The following SDCCAG8 variants were observed in gnomAD, a reference collection of about 807,000 sequenced individuals.
SDCCAG8 encodes SHH signaling and ciliogenesis regulator SDCCAG8, also known as serologically defined colon cancer antigen 8.
In SDCCAG8, 74 loss-of-function variants were observed where a neutral mutation model predicts 101.8. That is an observed-to-expected ratio of 0.73 (90% confidence interval 0.60 to 0.88). The LOEUF (loss-of-function observed/expected upper bound fraction) is 0.88, where lower values mean the gene tolerates loss of function less well. Ranked by LOEUF, SDCCAG8 falls within the 40% of genes least tolerant of loss-of-function variation. SDCCAG8 has a pLI of 0.00. For synonymous variants in SDCCAG8, 281 were observed against 292.9 expected (o/e 0.96, Z 0.41); for missense variants, 787 against 822.6 (o/e 0.96, Z 0.53).
At chr1:243,494,078 C>G (rs1667223530) in intron 17 of SDCCAG8, among the ~76,000 whole-genome samples, 1 of 152,162 alleles carries the variant, frequency 6.6e-6, no homozygotes. Context: ...ACAAAGTTAG[C>G]TACCTGTAAG....
rs184118693 is a variant in SDCCAG8, at chr1:243,275,709, C to T, written c.420+1053C>T. 2.0e-5 allele frequency among the ~76,000 whole-genome samples: 3 copies of T among 151,952 alleles called. No homozygotes were observed. In the East Asian group the frequency reaches 5.8e-4, roughly 29 times the overall value. On this transcript the variant is annotated intron_variant, in intron 4 of 17. Transcript: ENST00000366541. ...TCTAGTTGAGAAGACAGAACTATTC[C>T]CTATTAACACCATAAGGAGCACATT... is the stretch of plus-strand genomic sequence containing the variant.
At chr1:243,338,646 A>G (rs911270207) in intron 10 of SDCCAG8, 11 of 152,042 alleles carry the variant, frequency 7.2e-5, no homozygotes, top group African/African-American at 1.9e-4. Flanking sequence ...CGTTTTCTCA[A>G]TTGCTTTCCT....
intron 13 of SDCCAG8, among the ~76,000 whole-genome samples, chr1:243,383,486 A>G (rs954304272): frequency 1.3e-5 from 2 of 152,330 alleles, no homozygotes; most frequent in East Asian, 3.9e-4. Flanking sequence ...ATATCTGGAC[A>G]TTAGGCATTT....
intron 13 of SDCCAG8, among the ~76,000 whole-genome samples, chr1:243,406,648 C>T (rs1224421273): frequency 2.0e-5 from 3 of 152,106 alleles, no homozygotes; most frequent in African/African-American, 4.8e-5. Context: ...TCCCTCAGGA[C>T]GAGGGCCTTA....
chr1:243,431,660 T>C (rs1380984500), intron 16 of SDCCAG8, among the ~76,000 whole-genome samples: 6 of 152,276 alleles, frequency 3.9e-5, no homozygotes, highest in Middle Eastern at 3.4e-3. Context: ...CCATTTTTTT[T>C]TTCTGTTTTT....
chr1:243,462,648 AT>A (rs34808975), intron 16 of SDCCAG8, among the ~76,000 whole-genome samples: 1 of 151,920 alleles, frequency 6.6e-6, no homozygotes, highest in African/African-American at 2.4e-5. Flanking sequence ...TTTACATTGT[AT>A]TTTTTTCACA....
intron 3 of SDCCAG8, among the ~76,000 whole-genome samples, chr1:243,273,403 A>G (rs1307335511): frequency 3.3e-5 from 5 of 152,316 alleles, no homozygotes; most frequent in South Asian, 2.1e-4. Context: ...TGATTTTACA[A>G]ACTATTTTAG....
intron 4 of SDCCAG8, among the ~76,000 whole-genome samples, chr1:243,283,850 C>G (rs894184200): frequency 6.6e-6 from 1 of 152,178 alleles, no homozygotes; most frequent in South Asian, 2.1e-4. Context: ...AAGTGATTCT[C>G]CTGCCTCAGC....
At chr1:243,449,692 C>G (rs1359328770) in intron 16 of SDCCAG8, among the ~76,000 whole-genome samples, 1 of 152,190 alleles carries the variant, frequency 6.6e-6, no homozygotes, top group Non-Finnish European at 1.5e-5. Context: ...GTTAGTGTTG[C>G]ATTTCGTAGT....
chr1:243,340,909 C>T lies in SDCCAG8; in HGVS notation c.1222-130C>T, dbSNP rs572822630. ...TGAATAGAGGAAGGAGAAAAATGAA[C>T]ATACCCAATCCACAGAGAAATGGCT... is the stretch of plus-strand genomic sequence containing the variant. On this transcript the variant is annotated intron_variant, in intron 10 of 17. Coordinates refer to ENST00000366541, the MANE Select transcript of SDCCAG8 (RefSeq NM_006642.5). 1.6e-4 allele frequency: 145 copies of T among 904,132 alleles called. No homozygotes were observed. The African/African-American group carries it at 2.1e-3, about 13-fold the overall frequency. 56.0% of individuals were successfully genotyped at this position (904,132 alleles called of 1,614,324 possible).
chr1:243,348,136 T>C lies in SDCCAG8; in HGVS notation c.1473+3805T>C, dbSNP rs1028217468. ...CTGCAAGCTCCGCCTCCCGGGTTCA[T>C]GCCATTCTCCCGCCTCAGCCTCCCG... On this transcript the variant is annotated intron_variant, in intron 12 of 17. Coordinates refer to ENST00000366541, the MANE Select transcript of SDCCAG8 (RefSeq NM_006642.5). Among the ~76,000 whole-genome samples the C allele has an allele frequency of 1.4e-3, 215 of 149,042 alleles. 1 individual carries two copies. The highest frequency in any genetic ancestry group is 2.4e-3 in the Non-Finnish European group (164 of 67,364).
At chr1:243,482,481 C>T (rs1298028836) in intron 16 of SDCCAG8, among the ~76,000 whole-genome samples, 2 of 152,254 alleles carry the variant, frequency 1.3e-5, no homozygotes, top group Non-Finnish European at 1.5e-5. Context: ...GGAGCCCGTG[C>T]TGCCCATTCT....
At chr1:243,495,667 C>T (rs565304208) in intron 17 of SDCCAG8, among the ~76,000 whole-genome samples, 49 of 152,280 alleles carry the variant, frequency 3.2e-4, no homozygotes, top group Non-Finnish European at 5.3e-4. Context: ...GACTGCCCCT[C>T]GGCTCTGTAG....
chr1:243,308,322 A>G, intron 8 of SDCCAG8, 145 bp downstream of exon 8: 1 of 958,498 alleles, frequency 1.0e-6, no homozygotes, highest in Non-Finnish European at 1.6e-6. Flanking sequence ...AGGTTCCTTC[A>G]TTATAGCTTC....
chr1:243,361,407 C>G (rs975821510), intron 12 of SDCCAG8, among the ~76,000 whole-genome samples: 1 of 152,222 alleles, frequency 6.6e-6, no homozygotes, highest in Non-Finnish European at 1.5e-5. Flanking sequence ...AAGTTATGCC[C>G]TCTTTATTCA....
At chr1:243,331,464 CT>C (rs1449456701) in intron 10 of SDCCAG8, among the ~76,000 whole-genome samples, 1 of 152,176 alleles carries the variant, frequency 6.6e-6, no homozygotes, top group Non-Finnish European at 1.5e-5. Flanking sequence ...TAAGTATATA[CT>C]GAGTATGTGC....
intron 13 of SDCCAG8, among the ~76,000 whole-genome samples, chr1:243,387,658 G>A (rs760681006): frequency 6.6e-6 from 1 of 152,194 alleles, no homozygotes; most frequent in Non-Finnish European, 1.5e-5. Context: ...TGGGGAGAGT[G>A]ATAGAGGCTG....
chr1:243,361,682 C>A (rs1182538429), intron 12 of SDCCAG8, among the ~76,000 whole-genome samples: 1 of 152,210 alleles, frequency 6.6e-6, no homozygotes, highest in Non-Finnish European at 1.5e-5. Context: ...ACATCTTCCA[C>A]ATATATTCTT....
chr1:243,411,274 C>T (rs60543345), intron 13 of SDCCAG8, among the ~76,000 whole-genome samples: 16,209 of 151,856 alleles, frequency 0.11, 1,048 homozygotes, highest in African/African-American at 0.18. Context: ...ACCACCGCAT[C>T]TGGCTAATTT....
Sources: allele counts gnomAD v4.1 joint callset (sites outside exome capture counted in the v4.1 genomes callset), GRCh38; gene constraint gnomAD v4.1.1; transcripts MANE v1.5; gene names NCBI Gene and HGNC (gene_info 2026-07-23, HGNC 2026-07-21).